COBLL1: variants seen among roughly 807,000 people sequenced by gnomAD.
The protein encoded by COBLL1 is cordon-bleu WH2 repeat protein like 1.
In COBLL1, 50 loss-of-function variants were observed where a neutral mutation model predicts 94.8. The observed-to-expected ratio is 0.53, with a 90% CI of 0.42 to 0.67. The LOEUF (loss-of-function observed/expected upper bound fraction) is 0.67. COBLL1 is among the 30% of genes least tolerant of loss of function. The probability of loss-of-function intolerance (pLI) is 0.00; values close to 1 mark genes in which losing one functional copy is unlikely to be tolerated. For missense variants in COBLL1, 1,362 were observed against 1,348.7 expected, an observed-to-expected ratio of 1.01 and a Z score of -0.15; for synonymous variants, 448 against 473.8, an observed-to-expected ratio of 0.95 and a Z score of 0.71.
At chr2:164,828,167 G>A (rs1208195584) in intron 2 of COBLL1, among the ~76,000 whole-genome samples, 1 of 152,160 alleles carries the variant, frequency 6.6e-6, no homozygotes, top group Non-Finnish European at 1.5e-5. Flanking sequence ...CAATGGACAA[G>A]TAATTTGTCT....
At chr2:164,660,976 G>T (rs1467855235) in intron 2 of COBLL1, among the ~76,000 whole-genome samples, 3 of 152,042 alleles carry the variant, frequency 2.0e-5, no homozygotes, top group Non-Finnish European at 4.4e-5. Context: ...GTATTTTTCT[G>T]ATTCAAAACA....
intron 2 of COBLL1, among the ~76,000 whole-genome samples, chr2:164,760,168 C>T (rs537877110): frequency 6.6e-6 from 1 of 152,122 alleles, no homozygotes; most frequent in South Asian, 2.1e-4. Context: ...ATGGGAGAAA[C>T]AATAAAAAAC....
intron 5 of COBLL1, among the ~76,000 whole-genome samples, chr2:164,726,042 T>C (rs553736650): frequency 2.0e-5 from 3 of 152,346 alleles, no homozygotes; most frequent in Non-Finnish European, 2.9e-5. Context: ...TTTTAATATT[T>C]CACTCTCTTA....
chr2:164,728,132 A>T lies in COBLL1; in HGVS notation c.498T>A (p.His166Gln). 6.2e-7 allele frequency: 1 copy of T among 1,613,824 alleles called. No homozygotes were observed. The highest frequency in any genetic ancestry group is 1.3e-5 in the African/African-American group (1 of 75,054). ...TQKTIVRVSP[H>Q]ASLQELAPII... ...TAGGGGCAAGCTCTTGAAGCGATGC[A>T]TGTGGACTCACTCTCACTATGGTCT... The change falls in exon 5 of 14, where the codon CAT (histidine) becomes CAA (glutamine). Residue 166 changes from histidine to glutamine, a missense_variant. Transcript: ENST00000652658.
At chr2:164,779,557 C>T (rs1688638176) in intron 2 of COBLL1, 1 of 425,878 alleles carries the variant, frequency 2.3e-6, no homozygotes, top group African/African-American at 2.0e-5. Context: ...ACCTGTCCTG[C>T]CCTGCCCCAC....
At chr2:164,802,241 C>T (rs1683846316) in intron 2 of COBLL1, among the ~76,000 whole-genome samples, 1 of 152,180 alleles carries the variant, frequency 6.6e-6, no homozygotes, top group Admixed American at 6.5e-5. Context: ...AATGTTTCCA[C>T]TTTGTAAACC....
At chr2:164,703,969 T>TA (rs1684451850) in intron 9 of COBLL1, among the ~76,000 whole-genome samples, 1 of 152,224 alleles carries the variant, frequency 6.6e-6, no homozygotes, top group African/African-American at 2.4e-5. Context: ...GAGAGCCATA[T>TA]ACTGCAACAG....
In COBLL1 at chr2:164,683,044, GCCC is replaced by G. The variant is rs1683115904; in HGVS notation, c.*2899_*2901del. The G allele has an allele frequency of 7.3e-6, 1 of 136,986 alleles. No individual in the cohort carries two copies. The highest frequency in any genetic ancestry group is 2.3e-4 in the South Asian group (1 of 4,360). 8.5% of individuals were successfully genotyped at this position (136,986 alleles called of 1,614,324 possible). A position where few individuals can be genotyped will look rare whatever the true frequency, so the allele number is the denominator to read the frequency against. The stretch of plus-strand genomic sequence containing the variant: ...CACACACACACACACACACACAAAA[GCCC>G]CCAACAAACCTGCACACATGTACTT... On this transcript the variant is annotated 3_prime_UTR_variant, in exon 14 of 14. Coordinates refer to ENST00000652658, the MANE Select transcript of COBLL1 (RefSeq NM_001365672.2).
In COBLL1 at chr2:164,668,273, T is replaced by C. The variant is rs116815677; in HGVS notation, n.127-2372A>G. On this transcript the variant is annotated intron_variant and non_coding_transcript_variant, in intron 1 of 2. Transcript: ENST00000495084. ...GCCACCACGCCCAGCCTGTCTCGGC[T>C]TTTGACATGCCTTCCTCACTAAACT... Among the ~76,000 whole-genome samples the C allele has an allele frequency of 6.9e-3, 1,054 of 152,272 alleles. 11 individuals are homozygous for C. The highest frequency in any genetic ancestry group is 0.025 in the African/African-American group (1,019 of 41,562).
At chr2:164,741,829 T>G (rs1388418921) in intron 3 of COBLL1, among the ~76,000 whole-genome samples, 1 of 151,888 alleles carries the variant, frequency 6.6e-6, no homozygotes, top group East Asian at 1.9e-4. Flanking sequence ...AAAATACATA[T>G]GAAGAAAATT....
At chr2:164,805,377 T>C (rs1684097059) in intron 2 of COBLL1, among the ~76,000 whole-genome samples, 1 of 95,022 alleles carries the variant, frequency 1.1e-5, no homozygotes, top group Non-Finnish European at 2.1e-5. Context: ...CTAAAGTTCA[T>C]AGTTTACATT....
intron 7 of COBLL1, 33 bp downstream of exon 7, chr2:164,722,042 C>CA (rs762462513): frequency 2.1e-4 from 321 of 1,507,838 alleles, no homozygotes; most frequent in Admixed American, 2.8e-4. Flanking sequence ...CTGCCTCATC[C>CA]AAAAAAACAA....
chr2:164,685,890 T>C lies in COBLL1; in HGVS notation c.*56A>G. 1 of 929,496 alleles carries C rather than the reference T, an allele frequency of 1.1e-6. No homozygotes were observed. The highest frequency in any genetic ancestry group is 1.7e-6 in the Non-Finnish European group (1 of 585,920). The allele number at this position is 929,496 out of a possible 1,614,324, so 57.6% of individuals were successfully genotyped here. ...ATATACATTTGCCAAAATGTTCCATTAGTATGAAGTTGGTCTGAAGTGGAA... is the reference window on the plus strand; with the variant it reads ...ATATACATTTGCCAAAATGTTCCATCAGTATGAAGTTGGTCTGAAGTGGAA... On this transcript the variant is annotated 3_prime_UTR_variant, in exon 14 of 14. Transcript: ENST00000652658.
chr2:164,789,211 A>T (rs1268826432), intron 2 of COBLL1, among the ~76,000 whole-genome samples: 2 of 152,120 alleles, frequency 1.3e-5, no homozygotes, highest in Admixed American at 1.3e-4. Flanking sequence ...ACAAAAACAC[A>T]TTAAGATAGG....
chr2:164,740,719 T>C (rs1686544693), intron 3 of COBLL1, among the ~76,000 whole-genome samples: 2 of 152,202 alleles, frequency 1.3e-5, no homozygotes, highest in Admixed American at 1.3e-4. Flanking sequence ...GACCTACACA[T>C]ACATTGCAGC....
intron 4 of COBLL1, among the ~76,000 whole-genome samples, chr2:164,729,572 G>A (rs561865688): frequency 6.6e-4 from 100 of 151,814 alleles, no homozygotes; most frequent in Non-Finnish European, 1.2e-3. Flanking sequence ...GTACACAGAA[G>A]CCAAAAAATT....
rs1420407550 is a variant in COBLL1, at chr2:164,685,317, T to C, written c.*629A>G. ...AAAGATTAAAAAAACAAGAGTTCCA[T>C]GTTAATAAAATATTAAAATACTATG... On this transcript the variant is annotated 3_prime_UTR_variant, in exon 14 of 14. Coordinates refer to ENST00000652658, the MANE Select transcript of COBLL1 (RefSeq NM_001365672.2). 2 of 152,246 alleles carry C rather than the reference T, an allele frequency of 1.3e-5. No homozygotes were observed. The highest frequency in any genetic ancestry group is 2.4e-5 in the African/African-American group (1 of 41,552). The allele number at this position is 152,246 out of a possible 1,614,324, so 9.4% of individuals were successfully genotyped here. A position where few individuals can be genotyped will look rare whatever the true frequency, so the allele number is the denominator to read the frequency against.
In COBLL1 at chr2:164,685,852, A is replaced by T. The variant is rs1683249459; in HGVS notation, c.*94T>A. ...CTAATATTTTAATAGATAATATATT[A>T]GTGTACATCTGAATATACATTTGCC... On this transcript the variant is annotated 3_prime_UTR_variant, in exon 14 of 14. Coordinates refer to ENST00000652658, the MANE Select transcript of COBLL1 (RefSeq NM_001365672.2). The T allele has an allele frequency of 1.8e-6, 1 of 554,738 alleles. No homozygotes were observed. The allele number at this position is 554,738 out of a possible 1,614,324, so 34.4% of individuals were successfully genotyped here.
Position 164,668,096 on chromosome 2 carries a change from T to G in COBLL1, n.127-2195A>C, listed in dbSNP as rs188489091. On this transcript the variant is annotated intron_variant and non_coding_transcript_variant, in intron 1 of 2. Coordinates refer to the COBLL1 transcript ENST00000495084. ...GTCCTGCCTCAGCCTCCCAAGTAGC[T>G]GGGACTACAGGCATGCACCACCACT... 9.3e-3 allele frequency among the ~76,000 whole-genome samples: 1,413 copies of G among 152,262 alleles called. 11 individuals are homozygous for G. Among genetic ancestry groups the G allele is most frequent in the African/African-American group, 0.027 (1,141 of 41,562 alleles).
Sources: gnomAD v4.1 joint callset for allele counts (sites outside exome capture counted in the v4.1 genomes callset) on GRCh38, gnomAD v4.1.1 for gene constraint, MANE v1.5 for transcripts, NCBI Gene and HGNC (gene_info 2026-07-23, HGNC 2026-07-21) for gene names.